The following SLC2A9 variants were observed in gnomAD, a reference collection of about 807,000 sequenced individuals.
SLC2A9 encodes the protein solute carrier family 2 member 9.
Under a neutral mutation model 50.6 loss-of-function variants are expected in SLC2A9, and 39 were observed. The observed-to-expected ratio is 0.77, with a 90% confidence interval of 0.60 to 1.01. The LOEUF is 1.01. SLC2A9 is among the 50% of genes least tolerant of loss of function. The pLI is 0.00. For missense variants in SLC2A9, 686 were observed against 677.6 expected (o/e 1.01, Z -0.14); for synonymous variants, 324 against 276.9 (o/e 1.17, Z -1.69).
At chr4:9,898,903 T>C (rs971266145) in intron 8 of SLC2A9, among the ~76,000 whole-genome samples, 1 of 152,112 alleles carries the variant, frequency 6.6e-6, no homozygotes. Context: ...CCGTACTCCG[T>C]TGAGCAACCA....
chr4:9,803,711 C>CA (rs1187101438), intron 3 of SLC2A9, among the ~76,000 whole-genome samples: 6 of 152,208 alleles, frequency 3.9e-5, no homozygotes, highest in Non-Finnish European at 7.3e-5. Context: ...CTGCCTACCC[C>CA]ATAGAATGTC....
At chr4:9,964,232 G>T (rs923275150) in intron 5 of SLC2A9, among the ~76,000 whole-genome samples, 1 of 150,706 alleles carries the variant, frequency 6.6e-6, no homozygotes, top group Non-Finnish European at 1.5e-5. Context: ...GGTTCAACAG[G>T]GATTGGCCAG....
At chr4:9,867,310 C>T (rs1258266501) in intron 10 of SLC2A9, among the ~76,000 whole-genome samples, 2 of 152,202 alleles carry the variant, frequency 1.3e-5, no homozygotes, top group Non-Finnish European at 2.9e-5. Context: ...TGGTTCCGCT[C>T]CCCAACCCAG....
At chr4:9,890,482 C>T (rs745816581) in intron 9 of SLC2A9, 128 bp downstream of exon 9, 50 of 896,536 alleles carry the variant, frequency 5.6e-5, no homozygotes, top group African/African-American at 1.3e-4. Flanking sequence ...GAGATGTCCC[C>T]GGGGAGAGCT....
chr4:9,920,345 T>G, intron 7 of SLC2A9, 40 bp downstream of exon 7: 1 of 1,610,386 alleles, frequency 6.2e-7, no homozygotes, highest in Non-Finnish European at 8.5e-7. Flanking sequence ...CTCTGATCCC[T>G]CCAGTCATGC....
In SLC2A9 at chr4:9,984,376, C is replaced by T. The variant is rs560311333; in HGVS notation, c.535+1293G>A. Among the ~76,000 whole-genome samples, 2 of 152,296 alleles carry T rather than the reference C, an allele frequency of 1.3e-5. 1 individual carries two copies. The highest frequency in any genetic ancestry group is 4.1e-4 in the South Asian group (2 of 4,828). On this transcript the variant is annotated intron_variant, in intron 4 of 11. Coordinates refer to ENST00000264784, the MANE Select transcript of SLC2A9 (RefSeq NM_020041.3). ...AGGAAGGGAATTAGCCTTTAAGAAG[C>T]TCATGCTAGGTTCCAGGCAGTACAT...
At chr4:10,021,842 C>CT (rs57844352), upstream of SLC2A9, among the ~76,000 whole-genome samples, 2,358 of 136,908 alleles carry the variant, frequency 0.017, 54 homozygotes, top group African/African-American at 0.055. Context: ...GACTCTTCCA[C>CT]TTTTTTTTTT....
intron 3 of SLC2A9, chr4:9,781,702 C>G (rs1480352271): frequency 1.1e-5 from 3 of 270,778 alleles, no homozygotes; most frequent in Non-Finnish European, 2.1e-5. Flanking sequence ...TTCTCTCGCT[C>G]CGAACCAGAC....
intron 3 of SLC2A9, chr4:9,781,605 G>A (rs965580700): frequency 1.2e-5 from 2 of 161,496 alleles, no homozygotes; most frequent in African/African-American, 4.8e-5. Context: ...GCGGGGCCTG[G>A]GAGCGGCCAG....
intron 5 of SLC2A9, among the ~76,000 whole-genome samples, chr4:9,967,317 A>G (rs2108980808): frequency 6.6e-6 from 1 of 152,306 alleles, no homozygotes; most frequent in Middle Eastern, 3.4e-3. Flanking sequence ...AAATTTTATA[A>G]AAGACTAAAT....
chr4:9,891,507 C>T (rs1391543803), intron 8 of SLC2A9, among the ~76,000 whole-genome samples: 1 of 152,222 alleles, frequency 6.6e-6, no homozygotes, highest in African/African-American at 2.4e-5. Flanking sequence ...TATCCTTCCA[C>T]AAGAGTGTCT....
At chr4:9,783,453 G>T (rs753931613) in intron 3 of SLC2A9, 1 of 1,606,940 alleles carries the variant, frequency 6.2e-7, no homozygotes, top group East Asian at 2.2e-5. Context: ...ACCCCGAATG[G>T]ATTCCATTAA....
chr4:9,867,924 C>G (rs1031716868), intron 10 of SLC2A9, among the ~76,000 whole-genome samples: 3 of 152,172 alleles, frequency 2.0e-5, no homozygotes, highest in Non-Finnish European at 4.4e-5. Context: ...GCGTGCCCCC[C>G]CCACCCGAGG....
downstream of SLC2A9, among the ~76,000 whole-genome samples, chr4:9,821,825 T>C (rs534454817): frequency 6.6e-6 from 1 of 152,242 alleles, no homozygotes; most frequent in African/African-American, 2.4e-5. Flanking sequence ...TTTCCCTCAG[T>C]ATTTGGTAGA....
At chr4:9,986,895 G>A (rs1289438877) in intron 3 of SLC2A9, among the ~76,000 whole-genome samples, 1 of 152,170 alleles carries the variant, frequency 6.6e-6, no homozygotes, top group Non-Finnish European at 1.5e-5. Context: ...CAGGAGCTAG[G>A]AGACTTTGAA....
chr4:9,879,812 G>A (rs1734905222), intron 10 of SLC2A9: 4 of 985,294 alleles, frequency 4.1e-6, no homozygotes, highest in Non-Finnish European at 4.8e-6. Context: ...TTTTTTAAAA[G>A]GTGAAGCTCT....
chr4:9,832,317 A>G (rs1726301409), intron 11 of SLC2A9, among the ~76,000 whole-genome samples: 1 of 152,078 alleles, frequency 6.6e-6, no homozygotes, highest in Non-Finnish European at 1.5e-5. Context: ...CATTGCTCAC[A>G]GCAGCCCCCT....
At chr4:9,996,205 G>T (rs1357462766) in intron 3 of SLC2A9, among the ~76,000 whole-genome samples, 1 of 152,230 alleles carries the variant, frequency 6.6e-6, no homozygotes, top group Non-Finnish European at 1.5e-5. Context: ...ATGTCTCTCA[G>T]TCAGGGAGTG....
intron 6 of SLC2A9, among the ~76,000 whole-genome samples, chr4:9,934,851 C>T (rs1746775855): frequency 6.6e-6 from 1 of 152,160 alleles, no homozygotes; most frequent in African/African-American, 2.4e-5. Context: ...TGTTCCCCTC[C>T]CTGTGTCCAT....
Sources: allele counts gnomAD v4.1 joint callset (sites outside exome capture counted in the v4.1 genomes callset), GRCh38; gene constraint gnomAD v4.1.1; transcripts MANE v1.5; gene names NCBI Gene and HGNC (gene_info 2026-07-23, HGNC 2026-07-21).